ZNF486: variants seen among roughly 807,000 people sequenced by gnomAD.
ZNF486 encodes KRAB box only protein 2.
In ZNF486, 12 loss-of-function variants were observed where a neutral mutation model predicts 12.8. The observed-to-expected ratio is 0.94, with a 90% CI of 0.60 to 1.52. The LOEUF is 1.52. Ranked by LOEUF, ZNF486 falls within the 40% of genes most tolerant of loss-of-function variation. ZNF486 has a pLI of 0.00. For synonymous variants in ZNF486, 231 were observed against 184.9 expected (o/e 1.25, Z -2.02); for missense variants, 738 against 545.0 (o/e 1.35, Z -3.53).
intron 2 of ZNF486, 23 bp downstream of exon 2, chr19:20,184,505 A>C (rs1555716061): frequency 1.3e-6 from 2 of 1,556,334 alleles, no homozygotes; most frequent in Admixed American, 4.2e-5. Flanking sequence ...TAAATACATA[A>C]TTCATAAAAA....
At chr19:20,179,008 C>T (rs1308906541) in intron 1 of ZNF486, among the ~76,000 whole-genome samples, 4 of 152,176 alleles carry the variant, frequency 2.6e-5, no homozygotes, top group African/African-American at 9.7e-5. Context: ...CATTCAGGCC[C>T]TAAATCTACA....
intron 2 of ZNF486, 121 bp from the exon 3 acceptor site, chr19:20,185,866 A>G (rs551915540): frequency 4.0e-6 from 2 of 505,474 alleles, no homozygotes; most frequent in Non-Finnish European, 6.3e-6. Flanking sequence ...ATTTGTTATG[A>G]ATTAGTATTT....
chr19:20,185,162 A>T (rs2089828756), intron 2 of ZNF486, among the ~76,000 whole-genome samples: 1 of 152,152 alleles, frequency 6.6e-6, no homozygotes, highest in South Asian at 2.1e-4. Flanking sequence ...ATAATGTGGC[A>T]ATTTAAAAAT....
In ZNF486 at chr19:20,184,318, C is replaced by G. The variant is rs369723673; in HGVS notation, c.31-38C>G. On this transcript the variant is annotated intron_variant, in intron 1 of 3. Coordinates refer to ENST00000335117, the MANE Select transcript of ZNF486 (RefSeq NM_052852.4). ...CTTAAATTAAAAATTCCACCAACGG[C>G]GACTTGGTGAAAATGTGTGTGTGTG... 15 of 1,606,942 alleles carry G rather than the reference C, an allele frequency of 9.3e-6. 1 individual carries two copies. In the South Asian group the frequency reaches 1.7e-4, roughly 18 times the overall value.
At chr19:20,168,178 C>G (rs111384237) in intron 1 of ZNF486, among the ~76,000 whole-genome samples, 11,703 of 151,074 alleles carry the variant, frequency 0.077, 722 homozygotes, top group African/African-American at 0.18. Flanking sequence ...TGGCCAACAC[C>G]GTGAACCCCG....
At position 20,173,705 on chromosome 19, in the gene ZNF486, G is replaced by A. The variant is rs184418335; in HGVS notation, c.30+6345G>A. ...AAATTAGTCAGGCGTGGTGGCGGGC[G>A]CCTGTAGTCCCAGCTACTTGGGAGG... On this transcript the variant is annotated intron_variant, in intron 1 of 3. Coordinates refer to ENST00000335117, the MANE Select transcript of ZNF486 (RefSeq NM_052852.4). Among the ~76,000 whole-genome samples the A allele has an allele frequency of 5.5e-4, 83 of 152,094 alleles. 1 individual carries two copies. The East Asian group carries it at 9.1e-3, about 17-fold the overall frequency.
intron 1 of ZNF486, among the ~76,000 whole-genome samples, chr19:20,180,177 T>C (rs2089768847): frequency 6.6e-6 from 1 of 152,186 alleles, no homozygotes; most frequent in Non-Finnish European, 1.5e-5. Flanking sequence ...ACAAGAGTGG[T>C]TAATTCTGCT....
At chr19:20,177,112 G>T (rs1457218279) in intron 1 of ZNF486, 2 of 152,184 alleles carry the variant, frequency 1.3e-5, no homozygotes, top group African/African-American at 2.4e-5. Context: ...TGTGGCAAAT[G>T]GGGTTCATAT....
intron 1 of ZNF486, 90 bp downstream of exon 1, chr19:20,167,450 C>T (rs1316676530): frequency 1.8e-5 from 26 of 1,450,820 alleles, no homozygotes; most frequent in East Asian, 4.6e-5. Flanking sequence ...CCGTAGTCAG[C>T]TCCACAATCT....
chr19:20,173,785 T>C (rs2089675923), intron 1 of ZNF486, among the ~76,000 whole-genome samples: 1 of 151,614 alleles, frequency 6.6e-6, no homozygotes, highest in South Asian at 2.1e-4. Flanking sequence ...TGAGCTGAGA[T>C]AGTGCCACTG....
chr19:20,167,257 CT>C lies in ZNF486; in HGVS notation c.-73del, dbSNP rs782371772. ...AGCTCTAGGTCGCCTCTTCGCTACT[CT>C]GTGTCCTCTGCTCCTAGAGGCCCAC... On this transcript the variant is annotated 5_prime_UTR_variant, in exon 1 of 4. Coordinates refer to ENST00000335117, the MANE Select transcript of ZNF486 (RefSeq NM_052852.4). 3 of 1,592,568 alleles carry C rather than the reference CT, an allele frequency of 1.9e-6. No homozygotes were observed. In the South Asian group the frequency reaches 3.3e-5, roughly 18 times the overall value.
intron 1 of ZNF486, among the ~76,000 whole-genome samples, chr19:20,183,384 T>G (rs1555715863): frequency 6.6e-6 from 1 of 152,240 alleles, no homozygotes; most frequent in South Asian, 2.1e-4. Flanking sequence ...CAGAAAGTTC[T>G]GAAAGAAATT....
chr19:20,197,813 A>G lies in ZNF486; in HGVS notation c.1103A>G (p.His368Arg), dbSNP rs782364820. 7 of 1,613,470 alleles carry G rather than the reference A, an allele frequency of 4.3e-6. No homozygotes were observed. In the African/African-American group the frequency reaches 6.7e-5, roughly 15 times the overall value. ...ACCCGCTCCTCACACCTTACTATGC[A>G]TAAGATAATTCATACTGGAGAGAAA... ...AFTRSSHLTM[H>R]KIIHTGEKPY... The change falls in exon 4 of 4, where the codon CAT becomes CGT. Residue 368 changes from histidine (H) to arginine (R), a missense_variant. Transcript: ENST00000335117.
chr19:20,194,733 A>G lies in ZNF486; in HGVS notation c.254-2231A>G, dbSNP rs188708071. 2.6e-5 allele frequency among the ~76,000 whole-genome samples: 4 copies of G among 152,338 alleles called. No individual in the cohort carries two copies. The East Asian group carries it at 5.8e-4, about 22-fold the overall frequency. On this transcript the variant is annotated intron_variant, in intron 3 of 3. Coordinates refer to ENST00000335117, the MANE Select transcript of ZNF486 (RefSeq NM_052852.4). ...ACAAGATTGAAACTCTGTCTAAAAA[A>G]AAAAAATTCTCTGGTTATCTCATGA... is the stretch of plus-strand genomic sequence containing the variant.
At chr19:20,183,190 A>G (rs2089805019) in intron 1 of ZNF486, among the ~76,000 whole-genome samples, 1 of 152,246 alleles carries the variant, frequency 6.6e-6, no homozygotes, top group Admixed American at 6.5e-5. Context: ...AATATTAAAA[A>G]TGTTCCCTTT....
chr19:20,185,821 C>T lies in ZNF486; in HGVS notation c.158-166C>T, dbSNP rs184461893. Among the ~76,000 whole-genome samples, 10 of 146,606 alleles carry T rather than the reference C, an allele frequency of 6.8e-5. No individual in the cohort carries two copies. The East Asian group carries it at 1.6e-3, about 23-fold the overall frequency. On this transcript the variant is annotated intron_variant, in intron 2 of 3. Coordinates refer to ENST00000335117, the MANE Select transcript of ZNF486 (RefSeq NM_052852.4). ...CATCTCCAAAAAAAAAAAAAAGAAACCTTAAAGTTGAAAGTATTTTCTAAA... is the reference window on the plus strand; with the variant it reads ...CATCTCCAAAAAAAAAAAAAAGAAATCTTAAAGTTGAAAGTATTTTCTAAA...
rs923814557 is a variant in ZNF486, at chr19:20,190,218, G to A, written c.253+4136G>A. Among the ~76,000 whole-genome samples, 4 of 152,188 alleles carry A rather than the reference G, an allele frequency of 2.6e-5. No individual in the cohort carries two copies. The East Asian group carries it at 7.7e-4, about 29-fold the overall frequency. On this transcript the variant is annotated intron_variant, in intron 3 of 3. Transcript: ENST00000335117. Reference sequence around the variant, plus strand: ...GTAGCCTTTAACTGTAGGTTGTATTGACATCTGTGAAGAATAAAATTTTTT... The same window carrying A: ...GTAGCCTTTAACTGTAGGTTGTATTAACATCTGTGAAGAATAAAATTTTTT...
rs782397313 is a variant in ZNF486 at position 20,198,237 on chromosome 19, A to G, written c.*135A>G. 1.1e-4 allele frequency: 81 copies of G among 713,552 alleles called. No homozygotes were observed. In the Middle Eastern group the frequency reaches 1.6e-3, roughly 14 times the overall value. The allele number at this position is 713,552 out of a possible 1,614,324, so 44.2% of individuals were successfully genotyped here. A position where few individuals can be genotyped will look rare whatever the true frequency, so the allele number is the denominator to read the frequency against. On this transcript the variant is annotated 3_prime_UTR_variant, in exon 4 of 4. Coordinates refer to ENST00000335117, the MANE Select transcript of ZNF486 (RefSeq NM_052852.4). Reference sequence around the variant, plus strand: ...GTTCAAGTAACTCTCCTTAGTAGCTAGGATTACAGGGCTGCACCACCACAC... The same window carrying G: ...GTTCAAGTAACTCTCCTTAGTAGCTGGGATTACAGGGCTGCACCACCACAC...
intron 1 of ZNF486, among the ~76,000 whole-genome samples, chr19:20,173,952 A>G (rs1269111365): frequency 7.8e-6 from 1 of 128,930 alleles, no homozygotes; most frequent in East Asian, 2.3e-4. Flanking sequence ...TAACAGCTAA[A>G]TACCTTTTGT....
Sources: allele counts gnomAD v4.1 joint callset (sites outside exome capture counted in the v4.1 genomes callset), GRCh38; gene constraint gnomAD v4.1.1; transcripts MANE v1.5; gene names NCBI Gene and HGNC (gene_info 2026-07-23, HGNC 2026-07-21).